Variants in CASD1 observed in about 807,000 individuals in gnomAD.
CASD1 encodes the protein N-acetylneuraminate (7)9-O-acetyltransferase.
In CASD1, 41 loss-of-function variants were observed where a neutral mutation model predicts 100.0. The observed-to-expected ratio is 0.41, with a 90% confidence interval of 0.32 to 0.53. The LOEUF is 0.53. CASD1 is among the 20% of genes least tolerant of loss of function. The pLI is 0.25. For missense variants in CASD1, 774 were observed against 948.7 expected (o/e 0.82, Z 2.42); for synonymous variants, 321 against 315.6 (o/e 1.02, Z -0.18).
the CASD1 span, among the ~76,000 whole-genome samples, chr7:94,630,421 G>C: frequency 6.6e-6 from 1 of 151,638 alleles, no homozygotes; most frequent in African/African-American, 2.4e-5. Flanking sequence ...ATCTCTTGTA[G>C]AAATGATTTA....
the CASD1 span, chr7:94,588,113 T>C: frequency 8.5e-7 from 1 of 1,170,356 alleles, no homozygotes; most frequent in East Asian, 4.4e-5. Flanking sequence ...TAATTGGCTG[T>C]GGAAAATTTT....
the CASD1 span, among the ~76,000 whole-genome samples, chr7:94,563,162 A>AATG: frequency 6.6e-6 from 1 of 152,154 alleles, no homozygotes; most frequent in Admixed American, 6.6e-5. Flanking sequence ...TTGCTGGAGA[A>AATG]ATGAGTAGCA....
In CASD1 at chr7:94,537,831, T is replaced by C. The variant is rs1264574103; in HGVS notation, c.1203T>C (p.Ser401=). ...AAAACAAATTTTATACACATTCATC[T>C]TTCTTTATTCCAATTATCTACATTT... ...MKENKFYTHS[S]FFIPIIYILV... is the part of the protein sequence containing the mutation. The change falls in exon 9 of 18, where the codon TCT becomes TCC. Residue 401 remains serine (S), a synonymous_variant. Coordinates refer to ENST00000297273, the MANE Select transcript of CASD1 (RefSeq NM_022900.5). The C allele has an allele frequency of 6.3e-7, 1 of 1,587,298 alleles. No individual in the cohort carries two copies. The highest frequency in any genetic ancestry group is 1.1e-5 in the South Asian group (1 of 90,454).
chr7:94,586,365 G>A, the CASD1 span, among the ~76,000 whole-genome samples: 2 of 152,096 alleles, frequency 1.3e-5, no homozygotes, highest in South Asian at 2.1e-4. Flanking sequence ...CTAAATCCAT[G>A]CATTTTCAGA....
chr7:94,548,787 G>T (rs1449760339), intron 13 of CASD1, among the ~76,000 whole-genome samples: 5 of 151,758 alleles, frequency 3.3e-5, no homozygotes, highest in Non-Finnish European at 7.4e-5. Flanking sequence ...AGAGTTCATT[G>T]TGATTCTTTA....
At position 94,518,452 on chromosome 7, in the gene CASD1, G is replaced by A. The variant is rs566383641; in HGVS notation, c.351+129G>A. ...TTTACTTTGATTTTCAGAAAGGTTG[G>A]GGAAAAAGAGGGATGAATTGCTTTA... On this transcript the variant is annotated intron_variant, in intron 3 of 17. Transcript: ENST00000297273. 3.2e-5 allele frequency: 21 copies of A among 665,936 alleles called. No homozygotes were observed. In the East Asian group the frequency reaches 6.7e-4, roughly 21 times the overall value. The allele number at this position is 665,936 out of a possible 1,614,324, so 41.3% of individuals were successfully genotyped here.
intron 10 of CASD1, among the ~76,000 whole-genome samples, chr7:94,540,919 T>C (rs926330697): frequency 6.6e-6 from 1 of 152,146 alleles, no homozygotes; most frequent in Admixed American, 6.6e-5. Flanking sequence ...CAGATTAAGT[T>C]CCTCAATTCA....
At chr7:94,532,033 A>G (rs1485682917) in intron 5 of CASD1, among the ~76,000 whole-genome samples, 1 of 152,128 alleles carries the variant, frequency 6.6e-6, no homozygotes, top group Non-Finnish European at 1.5e-5. Context: ...ACTAAGTACT[A>G]TATACTTGTT....
At chr7:94,517,306 A>G (rs1358088969) in intron 1 of CASD1, among the ~76,000 whole-genome samples, 1 of 152,188 alleles carries the variant, frequency 6.6e-6, no homozygotes, top group Non-Finnish European at 1.5e-5. Context: ...CCTGAAGCAG[A>G]AGGAACTGCC....
rs746615100 is a variant in CASD1 at position 94,554,579 on chromosome 7, G to A, written c.2127+4G>A. On this transcript the variant is annotated splice_donor_region_variant and intron_variant, in intron 17 of 17. Coordinates refer to ENST00000297273, the MANE Select transcript of CASD1 (RefSeq NM_022900.5). Reference sequence around the variant, plus strand: ...GTTTGGAAAAATTTCATTAGAGGTTGGTACATTAATATTTTGCTTATCTTA... The same window carrying A: ...GTTTGGAAAAATTTCATTAGAGGTTAGTACATTAATATTTTGCTTATCTTA... 6.3e-7 allele frequency: 1 copy of A among 1,584,108 alleles called. No individual in the cohort carries two copies. Among genetic ancestry groups the A allele is most frequent in the East Asian group, 2.2e-5 (1 of 44,532 alleles).
chr7:94,556,001 G>T lies in CASD1; in HGVS notation c.*243G>T. ...GAATGCATTGTATAGGATTGCATGT[G>T]AAGTCTTTTCTACTGAATCTATATT... On this transcript the variant is annotated 3_prime_UTR_variant, in exon 18 of 18. Coordinates refer to ENST00000297273, the MANE Select transcript of CASD1 (RefSeq NM_022900.5). 1 of 348,502 alleles carries T rather than the reference G, an allele frequency of 2.9e-6. No homozygotes were observed. The highest frequency in any genetic ancestry group is 4.6e-5 in the East Asian group (1 of 21,868). 21.6% of individuals were successfully genotyped at this position (348,502 alleles called of 1,614,324 possible).
chr7:94,557,897 T>C (rs1796260132), downstream of CASD1, among the ~76,000 whole-genome samples: 1 of 152,146 alleles, frequency 6.6e-6, no homozygotes, highest in Admixed American at 6.5e-5. Flanking sequence ...TGTCTTAATA[T>C]TTTATTTTCT....
At chr7:94,577,481 A>T in the CASD1 span, among the ~76,000 whole-genome samples, 42,497 of 152,048 alleles carry the variant, frequency 0.28, 8,801 homozygotes, top group African/African-American at 0.58. Flanking sequence ...ATGCTTTAAA[A>T]ACTGAGACAG....
At chr7:94,544,651 T>C (rs1209121818) in intron 11 of CASD1, 121 bp downstream of exon 11, 1 of 990,886 alleles carries the variant, frequency 1.0e-6, no homozygotes, top group East Asian at 2.9e-5. Context: ...ATTTATGAAA[T>C]AGCACTGTGA....
At chr7:94,536,537 A>G (rs1795129928) in intron 8 of CASD1, among the ~76,000 whole-genome samples, 1 of 152,336 alleles carries the variant, frequency 6.6e-6, no homozygotes, top group African/African-American at 2.4e-5. Context: ...TTGCATGTAC[A>G]TATGGTTCTC....
the CASD1 span, chr7:94,588,673 T>A: frequency 6.3e-7 from 1 of 1,581,336 alleles, no homozygotes; most frequent in Non-Finnish European, 8.7e-7. Flanking sequence ...ATTAATTTAT[T>A]ATTCTTAGCA....
intron 5 of CASD1, among the ~76,000 whole-genome samples, chr7:94,532,264 AAG>A (rs1209140469): frequency 1.3e-5 from 2 of 152,174 alleles, no homozygotes; most frequent in East Asian, 3.8e-4. Flanking sequence ...TAGGCACACT[AAG>A]AGATTAACAG....
At chr7:94,539,981 C>G (rs569237103) in intron 10 of CASD1, among the ~76,000 whole-genome samples, 95 of 152,260 alleles carry the variant, frequency 6.2e-4, no homozygotes, top group Non-Finnish European at 1.2e-3. Flanking sequence ...TTCCTTTGAT[C>G]ACCTAGTACC....
At position 94,517,563 on chromosome 7, in the gene CASD1, A is replaced by G. The variant is rs199755372; in HGVS notation, c.137A>G (p.Asn46Ser). ...CHLASRRYRG[N>S]DSCEYLLSSG... ...CTGTTGTGTTTAACTGTTTTAGGCA[A>G]TGATTCGTGTGAATACCTTCTCTCA... The change falls in exon 2 of 18, where the codon AAT becomes AGT. Residue 46 changes from asparagine (N) to serine (S), a missense_variant. Asn to Ser is a conservative substitution (Grantham distance 46). Around this residue, in one of 5 missense-constraint regions of CASD1, gnomAD observed 75 missense variants for 60.9 expected, o/e 1.23. Coordinates refer to ENST00000297273, the MANE Select transcript of CASD1 (RefSeq NM_022900.5). 13 of 1,606,768 alleles carry G rather than the reference A, an allele frequency of 8.1e-6. No homozygotes were observed. Among genetic ancestry groups the G allele is most frequent in the Middle Eastern group, 1.7e-4 (1 of 6,018 alleles).
Sources: allele counts gnomAD v4.1 joint callset (sites outside exome capture counted in the v4.1 genomes callset), GRCh38; gene constraint gnomAD v4.1.1; regional missense constraint gnomAD v4.1.1; transcripts MANE v1.5; gene names NCBI Gene and HGNC (gene_info 2026-07-23, HGNC 2026-07-21).